ATP10D: variants seen among roughly 807,000 people sequenced by gnomAD.
The protein encoded by ATP10D is phospholipid-transporting ATPase VD.
A neutral mutation model predicts 144.8 loss-of-function variants in ATP10D; 89 were observed. That is an observed-to-expected ratio of 0.61 (90% CI 0.52 to 0.73). The LOEUF is 0.73. Ranked by LOEUF, ATP10D falls within the 30% of genes least tolerant of loss-of-function variation. The probability of loss-of-function intolerance (pLI) is 0.00; values close to 1 mark genes in which losing one functional copy is unlikely to be tolerated. For synonymous variants in ATP10D, 571 were observed against 615.1 expected, an observed-to-expected ratio of 0.93 and a Z score of 1.06; for missense variants, 1,603 against 1,714.8, an observed-to-expected ratio of 0.93 and a Z score of 1.15.
At chr4:47,498,362 C>G (rs1715508921) in intron 1 of ATP10D, among the ~76,000 whole-genome samples, 2 of 152,100 alleles carry the variant, frequency 1.3e-5, no homozygotes, top group Non-Finnish European at 2.9e-5. Flanking sequence ...TTTCCACAAC[C>G]AAAAATATCT....
chr4:47,510,104 TA>T (rs1716242672), intron 1 of ATP10D, among the ~76,000 whole-genome samples: 1 of 152,036 alleles, frequency 6.6e-6, no homozygotes, highest in Non-Finnish European at 1.5e-5. Flanking sequence ...TATAAGAGTT[TA>T]AATTTTAAAC....
chr4:47,512,428 G>GA (rs879040793), intron 1 of ATP10D, 76 bp from the exon 2 acceptor site: 35 of 977,056 alleles, frequency 3.6e-5, no homozygotes, highest in African/African-American at 1.3e-4. Context: ...ATTTGGTATA[G>GA]AAAAAATATT....
chr4:47,508,302 G>T (rs1411393041), intron 1 of ATP10D, among the ~76,000 whole-genome samples: 1 of 152,130 alleles, frequency 6.6e-6, no homozygotes, highest in Non-Finnish European at 1.5e-5. Context: ...GGCATTAATA[G>T]GTACATTGAA....
At chr4:47,569,871 G>A (rs958445567) in intron 16 of ATP10D, among the ~76,000 whole-genome samples, 6 of 152,156 alleles carry the variant, frequency 3.9e-5, no homozygotes, top group African/African-American at 1.4e-4. Context: ...AGAGAAGACA[G>A]TGAAAATGAA....
intron 2 of ATP10D, 113 bp from the exon 3 acceptor site, chr4:47,515,363 A>G (rs1156633231): frequency 2.2e-5 from 17 of 778,696 alleles, no homozygotes; most frequent in Non-Finnish European, 3.3e-5. Flanking sequence ...TATATTCTGT[A>G]ACATACAAAA....
At chr4:47,534,052 AACAAGGTCTAC>A (rs1717700977) in intron 5 of ATP10D, among the ~76,000 whole-genome samples, 1 of 152,140 alleles carries the variant, frequency 6.6e-6, no homozygotes, top group African/African-American at 2.4e-5. Context: ...CCAGGATCAA[AACAAGGTCTAC>A]ACTTTGCATC....
At chr4:47,510,875 T>A (rs903964684) in intron 1 of ATP10D, among the ~76,000 whole-genome samples, 1 of 152,242 alleles carries the variant, frequency 6.6e-6, no homozygotes, top group Non-Finnish European at 1.5e-5. Context: ...CAGAAATAAA[T>A]CAAATTGTGC....
chr4:47,586,974 A>G, intron 21 of ATP10D, 45 bp from the exon 22 acceptor site: 2 of 1,575,786 alleles, frequency 1.3e-6, no homozygotes, highest in Non-Finnish European at 1.7e-6. Context: ...GCAATACTGT[A>G]TCAGTGACAG....
At chr4:47,581,087 G>C (rs1048417887) in intron 20 of ATP10D, among the ~76,000 whole-genome samples, 1 of 152,112 alleles carries the variant, frequency 6.6e-6, no homozygotes, top group African/African-American at 2.4e-5. Context: ...GGCAATGCCA[G>C]AATATGAAAG....
At chr4:47,525,692 G>A in intron 5 of ATP10D, 50 bp downstream of exon 5, 7 of 1,402,664 alleles carry the variant, frequency 5.0e-6, no homozygotes, top group Non-Finnish European at 7.1e-6. Context: ...ATTGTGTGTT[G>A]CAATCGTACT....
At chr4:47,564,515 C>A (rs1048091208) in intron 15 of ATP10D, among the ~76,000 whole-genome samples, 2 of 151,934 alleles carry the variant, frequency 1.3e-5, no homozygotes, top group African/African-American at 4.8e-5. Flanking sequence ...TATGGCAATT[C>A]TAAAAATAGA....
At chr4:47,497,697 G>A (rs28567418) in intron 1 of ATP10D, among the ~76,000 whole-genome samples, 19,860 of 152,158 alleles carry the variant, frequency 0.13, 1,419 homozygotes, top group African/African-American at 0.18. Flanking sequence ...TAATGACATA[G>A]TTTAGGAATT....
At chr4:47,488,678 A>T (rs1714906415) in intron 1 of ATP10D, among the ~76,000 whole-genome samples, 1 of 151,568 alleles carries the variant, frequency 6.6e-6, no homozygotes, top group South Asian at 2.1e-4. Context: ...CTTTAAAAAG[A>T]TACTATAAAA....
Position 47,559,035 on chromosome 4 carries a change from A to C in ATP10D, c.2541+6A>C. 1 of 1,604,638 alleles carries C rather than the reference A, an allele frequency of 6.2e-7. No homozygotes were observed. Among genetic ancestry groups the C allele is most frequent in the Non-Finnish European group, 8.5e-7 (1 of 1,171,702 alleles). On this transcript the variant is annotated splice_donor_region_variant and intron_variant, in intron 13 of 22. Coordinates refer to ENST00000273859, the MANE Select transcript of ATP10D (RefSeq NM_020453.4). ...CTTTATGTATAGCAAAGAAGGTGAGACTGCTTAGTGCGCTCCATCTTTTTT... is the reference window on the plus strand; with the variant it reads ...CTTTATGTATAGCAAAGAAGGTGAGCCTGCTTAGTGCGCTCCATCTTTTTT...
At chr4:47,539,882 C>G (rs1463927028) in intron 9 of ATP10D, among the ~76,000 whole-genome samples, 2 of 152,168 alleles carry the variant, frequency 1.3e-5, no homozygotes, top group African/African-American at 4.8e-5. Context: ...CATACATATC[C>G]CTGCCCAAGT....
At chr4:47,490,824 G>A (rs1472695163) in intron 1 of ATP10D, 2 of 336,958 alleles carry the variant, frequency 5.9e-6, no homozygotes, top group Non-Finnish European at 1.1e-5. Context: ...CTCCTTGTTA[G>A]GTAATTGGCA....
chr4:47,531,261 G>A (rs564346140), intron 5 of ATP10D, among the ~76,000 whole-genome samples: 1 of 152,284 alleles, frequency 6.6e-6, no homozygotes, highest in South Asian at 2.1e-4. Context: ...GTAGGGACAG[G>A]GAGGGAACCA....
intron 1 of ATP10D, among the ~76,000 whole-genome samples, chr4:47,495,999 AGTGTTAGAATTACAG>A (rs1361364270): frequency 6.6e-6 from 1 of 151,930 alleles, no homozygotes; most frequent in Non-Finnish European, 1.5e-5. Context: ...GGCCTCCTAA[AGTGTTAGAATTACAG>A]GTGTGAGCCA....
At chr4:47,582,112 G>A (rs1270967468) in intron 21 of ATP10D, 48 bp downstream of exon 21, 2 of 1,429,914 alleles carry the variant, frequency 1.4e-6, no homozygotes, top group Non-Finnish European at 2.0e-6. Flanking sequence ...TTTTATGCTT[G>A]GGGATATGTC....
Sources: gnomAD v4.1 joint callset for allele counts (sites outside exome capture counted in the v4.1 genomes callset) on GRCh38, gnomAD v4.1.1 for gene constraint, MANE v1.5 for transcripts, NCBI Gene and HGNC (gene_info 2026-07-23, HGNC 2026-07-21) for gene names.